EPHA7: variants seen among roughly 807,000 people sequenced by gnomAD.
EPHA7 encodes ephrin type-A receptor 7.
In EPHA7, 25 loss-of-function variants were observed where a neutral mutation model predicts 112.6. The observed-to-expected ratio is 0.22, with a 90% CI of 0.16 to 0.31. The LOEUF is 0.31. Among genes scored for constraint, EPHA7 ranks in the 10% least tolerant of loss-of-function variants. The probability of loss-of-function intolerance (pLI) is 1.00; values close to 1 mark genes in which losing one functional copy is unlikely to be tolerated. For synonymous variants in EPHA7, 437 were observed against 406.5 expected, an observed-to-expected ratio of 1.07 and a Z score of -0.90; for missense variants, 962 against 1,212.6, an observed-to-expected ratio of 0.79 and a Z score of 3.07.
Position 93,408,336 on chromosome 6 carries a change from T to C in EPHA7, c.832+2165A>G, listed in dbSNP as rs57195351. ...TGCTGAATCCACCATCACTTTCAAG[T>C]AACTGTTAACCTCCTGTCAACAGGA... On this transcript the variant is annotated intron_variant, in intron 3 of 16. Transcript: ENST00000369303. Among the ~76,000 whole-genome samples the C allele has an allele frequency of 6.4e-3, 969 of 152,184 alleles. 5 individuals carry two copies. The highest frequency in any genetic ancestry group is 0.022 in the African/African-American group (917 of 41,544).
intron 5 of EPHA7, among the ~76,000 whole-genome samples, chr6:93,310,355 A>T (rs922320534): frequency 2.0e-5 from 3 of 152,194 alleles, no homozygotes; most frequent in Non-Finnish European, 4.4e-5. Flanking sequence ...TTCACTTTAT[A>T]GTTTCACAAA....
rs186517250 is a variant in EPHA7 at position 93,353,017 on chromosome 6, C to T, written c.1324+3700G>A. ...CTTAATACCTGGGTGATGAAATAAT[C>T]TATACAACTAATTCCCATGACACAA... On this transcript the variant is annotated intron_variant, in intron 5 of 16. Transcript: ENST00000369303. Among the ~76,000 whole-genome samples the T allele has an allele frequency of 1.9e-4, 29 of 152,112 alleles. No homozygotes were observed. In the South Asian group the frequency reaches 2.1e-3, roughly 11 times the overall value.
intron 3 of EPHA7, among the ~76,000 whole-genome samples, chr6:93,381,450 C>T (rs957425644): frequency 2.6e-5 from 4 of 152,064 alleles, no homozygotes; most frequent in African/African-American, 9.7e-5. Context: ...TTTAGAAAAT[C>T]TTTTTCACTT....
At chr6:93,400,966 T>A (rs2127988933) in intron 3 of EPHA7, among the ~76,000 whole-genome samples, 1 of 152,266 alleles carries the variant, frequency 6.6e-6, no homozygotes, top group Middle Eastern at 3.4e-3. Flanking sequence ...GCTTTATTCA[T>A]AAAAGCATCA....
chr6:93,302,608 A>G (rs1003160511), intron 5 of EPHA7, among the ~76,000 whole-genome samples: 1 of 152,222 alleles, frequency 6.6e-6, no homozygotes, highest in Admixed American at 6.5e-5. Flanking sequence ...TGTAAATTAT[A>G]TAAATCTGGA....
At chr6:93,405,783 ATGTGTGTGTGTG>A (rs371052750) in intron 3 of EPHA7, among the ~76,000 whole-genome samples, 1,116 of 94,880 alleles carry the variant, frequency 0.012, 5 homozygotes, top group Middle Eastern at 0.024. Context: ...TTCTGTATAT[ATGTGTGTGTGTG>A]TGTGTGTGTG....
intron 5 of EPHA7, among the ~76,000 whole-genome samples, chr6:93,315,053 G>T (rs934365743): frequency 6.8e-6 from 1 of 146,232 alleles, no homozygotes; most frequent in Non-Finnish European, 1.5e-5. Context: ...TAGTAGAGAC[G>T]GGGTTTCACC....
At chr6:93,269,350 T>A in intron 7 of EPHA7, 127 bp downstream of exon 7, 1 of 647,342 alleles carries the variant, frequency 1.5e-6, no homozygotes, top group Non-Finnish European at 2.4e-6. Flanking sequence ...TACATTTATA[T>A]GTACATATAT....
chr6:93,344,843 TG>T (rs1376008229), intron 5 of EPHA7, among the ~76,000 whole-genome samples: 6 of 151,572 alleles, frequency 4.0e-5, no homozygotes, highest in African/African-American at 1.5e-4. Context: ...CATGTGCTTC[TG>T]AGATTCTTCC....
At chr6:93,256,377 C>T (rs564155859) in intron 12 of EPHA7, among the ~76,000 whole-genome samples, 2 of 151,954 alleles carry the variant, frequency 1.3e-5, no homozygotes, top group South Asian at 4.2e-4. Context: ...GTTTTCCCCA[C>T]ATGCCAAAAA....
At chr6:93,318,509 A>G (rs1773915860) in intron 5 of EPHA7, among the ~76,000 whole-genome samples, 1 of 152,156 alleles carries the variant, frequency 6.6e-6, no homozygotes, top group Non-Finnish European at 1.5e-5. Flanking sequence ...GCATTTTAAC[A>G]AAGGTAAATA....
chr6:93,301,466 T>C (rs1582478258), intron 5 of EPHA7, among the ~76,000 whole-genome samples: 1 of 152,206 alleles, frequency 6.6e-6, no homozygotes, highest in Non-Finnish European at 1.5e-5. Flanking sequence ...TAGACAACAT[T>C]TGAAGGGTAA....
chr6:93,297,928 C>T (rs573487971), intron 5 of EPHA7, among the ~76,000 whole-genome samples: 40 of 152,186 alleles, frequency 2.6e-4, no homozygotes, highest in African/African-American at 7.0e-4. Flanking sequence ...TGATTAGAGA[C>T]GGAATTATCC....
chr6:93,413,271 T>A (rs1779064100), intron 2 of EPHA7, among the ~76,000 whole-genome samples: 1 of 151,978 alleles, frequency 6.6e-6, no homozygotes, highest in Non-Finnish European at 1.5e-5. Flanking sequence ...TGTGTTGATG[T>A]TTACAGACAT....
rs1480982361 is a variant in EPHA7 at position 93,242,409 on chromosome 6, G to A, written c.*1017C>T. The A allele has an allele frequency of 5.1e-6, 1 of 194,398 alleles. No homozygotes were observed. Among genetic ancestry groups the A allele is most frequent in the African/African-American group, 2.3e-5 (1 of 43,218 alleles). 12.0% of individuals were successfully genotyped at this position (194,398 alleles called of 1,614,324 possible). On this transcript the variant is annotated 3_prime_UTR_variant, in exon 17 of 17. Coordinates refer to ENST00000369303, the MANE Select transcript of EPHA7 (RefSeq NM_004440.4). The stretch of plus-strand genomic sequence containing the variant: ...CATGTTTGGACTGCATTCAACAGAA[G>A]AGGATATAAAATATATGTCAACTAT...
At chr6:93,348,247 T>C (rs1384854451) in intron 5 of EPHA7, among the ~76,000 whole-genome samples, 2 of 151,830 alleles carry the variant, frequency 1.3e-5, no homozygotes, top group East Asian at 3.9e-4. Context: ...TATGTTTTAA[T>C]TGAGAAGAGT....
chr6:93,406,136 T>G (rs1160567141), intron 3 of EPHA7, among the ~76,000 whole-genome samples: 1 of 151,248 alleles, frequency 6.6e-6, no homozygotes, highest in Non-Finnish European at 1.5e-5. Flanking sequence ...TATAAGTGTA[T>G]GATTACTTGA....
chr6:93,263,367 A>G (rs1306783816), intron 9 of EPHA7, among the ~76,000 whole-genome samples: 1 of 151,460 alleles, frequency 6.6e-6, no homozygotes, highest in Admixed American at 6.6e-5. Context: ...CATCAGAAGT[A>G]TGAATCTTAT....
At chr6:93,402,132 A>G (rs1290179800) in intron 3 of EPHA7, among the ~76,000 whole-genome samples, 2 of 152,026 alleles carry the variant, frequency 1.3e-5, no homozygotes, top group South Asian at 2.1e-4. Flanking sequence ...CTAACAAACC[A>G]CAGAAAACTA....
Sources: gnomAD v4.1 joint callset for allele counts (sites outside exome capture counted in the v4.1 genomes callset) on GRCh38, gnomAD v4.1.1 for gene constraint, MANE v1.5 for transcripts, NCBI Gene and HGNC (gene_info 2026-07-23, HGNC 2026-07-21) for gene names.